Variants in CACNA1A observed in about 807,000 individuals in gnomAD.
CACNA1A encodes the protein voltage-dependent P/Q-type calcium channel subunit alpha-1A.
In CACNA1A, 57 loss-of-function variants were observed where a neutral mutation model predicts 262.4. The observed-to-expected ratio is 0.22, with a 90% confidence interval of 0.18 to 0.27. CACNA1A has a LOEUF of 0.27. Ranked by LOEUF, CACNA1A falls within the 10% of genes least tolerant of loss-of-function variation. The probability of loss-of-function intolerance (pLI) is 1.00; values close to 1 mark genes in which losing one functional copy is unlikely to be tolerated. For synonymous variants in CACNA1A, 1,431 were observed against 1,419.3 expected (o/e 1.01, Z -0.18); for missense variants, 2,526 against 3,562.8 (o/e 0.71, Z 7.41).
intron 17 of CACNA1A, among the ~76,000 whole-genome samples, chr19:13,301,640 C>A (rs898487550): frequency 2.0e-5 from 3 of 152,226 alleles, no homozygotes; most frequent in Non-Finnish European, 4.4e-5. Flanking sequence ...AGCCTTCATG[C>A]AGGGCCTCAT....
chr19:13,207,464 G>T lies in CACNA1A; in HGVS notation c.7370C>A (p.Ala2457Asp). 5 of 1,486,650 alleles carry T rather than the reference G, an allele frequency of 3.4e-6. No individual in the cohort carries two copies. Among genetic ancestry groups the T allele is most frequent in the Non-Finnish European group, 4.5e-6 (5 of 1,122,792 alleles). 92.1% of individuals were successfully genotyped at this position (1,486,650 alleles called of 1,614,324 possible). The change falls in exon 47 of 47, where the codon GCC (alanine) becomes GAC (aspartate). Residue 2457 changes from alanine (A) to aspartate (D), a missense_variant. This residue lies in a region of CACNA1A where 929 missense variants were observed against 868.1 expected (regional missense o/e 1.07). Coordinates refer to ENST00000360228, the MANE Select transcript of CACNA1A (RefSeq NM_001127222.2). The surrounding 1 kb of genome is among the most constrained non-coding windows in gnomAD (Gnocchi z 5.7). ...AGGCGAGGCGCAGGCCGGGCCCGAGGCCCGGGGAGTCCTGGGCGAGCGCCC... is the reference window on the plus strand; with the variant it reads ...AGGCGAGGCGCAGGCCGGGCCCGAGTCCCGGGGAGTCCTGGGCGAGCGCCC... ...ATGRSPRTPR[A>D]SGPACASPSR...
intron 1 of CACNA1A, among the ~76,000 whole-genome samples, chr19:13,474,451 C>A (rs1334058658): frequency 6.6e-6 from 1 of 152,148 alleles, no homozygotes; most frequent in Admixed American, 6.5e-5. Flanking sequence ...TATAAACTCC[C>A]TGGTGGGGTG....
chr19:13,502,500 C>T (rs1241609040), intron 1 of CACNA1A, among the ~76,000 whole-genome samples: 1 of 152,096 alleles, frequency 6.6e-6, no homozygotes, highest in South Asian at 2.1e-4. Flanking sequence ...ACAGATGCTC[C>T]TTTTTGAGCT....
intron 38 of CACNA1A, among the ~76,000 whole-genome samples, chr19:13,220,582 C>T (rs1040020263): frequency 6.6e-6 from 1 of 152,178 alleles, no homozygotes; most frequent in Non-Finnish European, 1.5e-5. Flanking sequence ...TTGATTTCAG[C>T]CTCGTGAGAC....
rs1272886269 is a variant in CACNA1A, at chr19:13,335,805, C to T, written c.1082+1G>A. The T allele has an allele frequency of 6.2e-7, 1 of 1,601,252 alleles. No homozygotes were observed. Among genetic ancestry groups the T allele is most frequent in the Non-Finnish European group, 8.5e-7 (1 of 1,171,480 alleles). On this transcript the variant is annotated splice_donor_variant, in intron 7 of 46. Transcript: ENST00000360228. LOFTEE classifies it high-confidence loss of function. ...TGGGGTGGGGAGTAGCAGAAACTTA[C>T]CCTGACAGCACACCCAGCACAAGGT... is the stretch of plus-strand genomic sequence containing the variant.
chr19:13,240,746 C>T (rs62111968), intron 31 of CACNA1A, among the ~76,000 whole-genome samples: 99,468 of 148,774 alleles, frequency 0.67, 33,394 homozygotes, highest in East Asian at 0.95. Context: ...CTGCGTGCAG[C>T]GTCTGTGTGC....
rs1419175978 is a variant in CACNA1A at position 13,224,844 on chromosome 19, C to T, written c.5626-72G>A. ...TGGGTCTCCCGTGAGCCGCGCCCGC[C>T]CCTACCCAGGGAGTCCCAGGAAGAA... On this transcript the variant is annotated intron_variant, in intron 37 of 46. Coordinates refer to ENST00000360228, the MANE Select transcript of CACNA1A (RefSeq NM_001127222.2). The T allele has an allele frequency of 7.2e-6, 8 of 1,110,130 alleles. No individual in the cohort carries two copies. In the East Asian group the frequency reaches 2.1e-4, roughly 29 times the overall value. 68.8% of individuals were successfully genotyped at this position (1,110,130 alleles called of 1,614,324 possible).
intron 19 of CACNA1A, among the ~76,000 whole-genome samples, chr19:13,295,372 G>A (rs2057641989): frequency 6.6e-6 from 1 of 152,164 alleles, no homozygotes; most frequent in African/African-American, 2.4e-5. Context: ...AGTCCCATAT[G>A]GGAAAGACTT....
At chr19:13,469,971 C>G (rs1357076681) in intron 1 of CACNA1A, among the ~76,000 whole-genome samples, 1 of 152,028 alleles carries the variant, frequency 6.6e-6, no homozygotes. Flanking sequence ...CAACTAGTTG[C>G]CTTCCCCATA....
At chr19:13,263,109 T>C (rs537049806) in intron 24 of CACNA1A, 6 of 439,006 alleles carry the variant, frequency 1.4e-5, no homozygotes, top group African/African-American at 9.9e-5. Flanking sequence ...CTGTATTGGG[T>C]GTCCCTGAGA....
rs774776009 is a variant in CACNA1A, at chr19:13,207,640, G to C, written c.7194C>G (p.Ser2398=). 14 of 1,476,196 alleles carry C rather than the reference G, an allele frequency of 9.5e-6. No individual in the cohort carries two copies. The highest frequency in any genetic ancestry group is 1.3e-5 in the Non-Finnish European group (14 of 1,114,442). 91.4% of individuals were successfully genotyped at this position (1,476,196 alleles called of 1,614,324 possible). The part of the protein sequence containing the change: ...ARWPASGPHV[S]EGPPGPRHHG... ...GGTGCCGGGGACCCGGGGGCCCCTC[G>C]GACACGTGCGGGCCAGATGCCGGCC... The change falls in exon 47 of 47, where the codon TCC becomes TCG. Residue 2398 remains serine, a synonymous_variant. Transcript: ENST00000360228. This position sits in a 1 kb window ranked among gnomAD's most constrained non-coding sequence, Gnocchi z 5.7.
intron 38 of CACNA1A, among the ~76,000 whole-genome samples, chr19:13,224,118 T>C (rs1310996094): frequency 6.6e-6 from 1 of 151,508 alleles, no homozygotes; most frequent in East Asian, 1.9e-4. Flanking sequence ...AGGTCAGGAG[T>C]TCGAGACCAG....
chr19:13,299,347 C>A lies in CACNA1A; in HGVS notation c.2286G>T (p.Glu762Asp). 6.3e-7 allele frequency: 1 copy of A among 1,599,538 alleles called. No homozygotes were observed. Among genetic ancestry groups the A allele is most frequent in the African/African-American group, 1.3e-5 (1 of 75,054 alleles). Residue 762 changes from glutamate (E) to aspartate (D), a missense_variant, in exon 19 of 47, where the codon GAG (glutamate) becomes GAT (aspartate). Physicochemically the swap from Glu to Asp is conservative, Grantham distance 45. This residue lies in a region of CACNA1A where 765 missense variants were observed against 748.6 expected (regional missense o/e 1.02). Coordinates refer to ENST00000360228, the MANE Select transcript of CACNA1A (RefSeq NM_001127222.2). Reference sequence around the variant, plus strand: ...TGGCTGGCTTTTGATTCTTCTGTTGCTCTTTCCTGCAGTGGCATGGTCACA... The same window carrying A: ...TGGCTGGCTTTTGATTCTTCTGTTGATCTTTCCTGCAGTGGCATGGTCACA... Reference protein sequence around the residue: ...SAANMSIAVKEQQKNQKPAKS... With the variant: ...SAANMSIAVKDQQKNQKPAKS...
At chr19:13,389,251 G>A (rs981454474) in intron 3 of CACNA1A, among the ~76,000 whole-genome samples, 4 of 152,088 alleles carry the variant, frequency 2.6e-5, no homozygotes, top group African/African-American at 7.2e-5. Context: ...TCGGATATGC[G>A]GTCTGGAGCT....
intron 3 of CACNA1A, among the ~76,000 whole-genome samples, chr19:13,374,533 A>T (rs1487350487): frequency 6.6e-6 from 1 of 152,028 alleles, no homozygotes; most frequent in Non-Finnish European, 1.5e-5. Flanking sequence ...TATAGGTATG[A>T]GCTACTGCAC....
chr19:13,486,214 G>A (rs964672610), intron 1 of CACNA1A, among the ~76,000 whole-genome samples: 1 of 152,252 alleles, frequency 6.6e-6, no homozygotes, highest in Non-Finnish European at 1.5e-5. Flanking sequence ...GTTCCTCCAG[G>A]AGGGAAGGAG....
At chr19:13,234,780 G>C in intron 34 of CACNA1A, 141 bp downstream of exon 34, 1 of 640,952 alleles carries the variant, frequency 1.6e-6, no homozygotes, top group Non-Finnish European at 2.8e-6. Flanking sequence ...AGAAGGGTGA[G>C]GGCGCGCCCC....
At chr19:13,228,838 C>A (rs771884648) in intron 36 of CACNA1A, 81 of 1,162,506 alleles carry the variant, frequency 7.0e-5, no homozygotes, top group Non-Finnish European at 9.9e-5. Context: ...AATGGGTTCA[C>A]ACGGGCTCCC....
intron 6 of CACNA1A, among the ~76,000 whole-genome samples, chr19:13,340,726 C>A (rs768953188): frequency 6.6e-6 from 1 of 152,128 alleles, no homozygotes; most frequent in Non-Finnish European, 1.5e-5. Context: ...CACGCCTGGC[C>A]GAGAGGTCAA....
Sources: gnomAD v4.1 joint callset for allele counts (sites outside exome capture counted in the v4.1 genomes callset) on GRCh38, gnomAD v4.1.1 for gene constraint, gnomAD v4.1.1 regional missense constraint, Gnocchi (gnomAD v3.1) non-coding constraint, MANE v1.5 for transcripts, NCBI Gene and HGNC (gene_info 2026-07-23, HGNC 2026-07-21) for gene names.